The following RBFOX1 variants were observed in gnomAD, a reference collection of about 807,000 sequenced individuals.
RBFOX1 encodes the protein RNA binding fox-1 homolog 1.
Under a neutral mutation model 57.7 loss-of-function variants are expected in RBFOX1, and 8 were observed. The observed-to-expected ratio is 0.14, with a 90% CI of 0.08 to 0.25. The LOEUF (loss-of-function observed/expected upper bound fraction) is 0.25. RBFOX1 is among the 10% of genes least tolerant of loss of function. RBFOX1 has a pLI of 1.00. For synonymous variants in RBFOX1, 326 were observed against 222.4 expected, an observed-to-expected ratio of 1.47 and a Z score of -4.15; for missense variants, 611 against 548.5, an observed-to-expected ratio of 1.11 and a Z score of -1.14.
chr16:5,277,890 A>G (rs1457426726), intron 1 of RBFOX1, among the ~76,000 whole-genome samples: 3 of 152,094 alleles, frequency 2.0e-5, no homozygotes, highest in Admixed American at 2.0e-4. Context: ...TTCTTTATCC[A>G]TTCATCCGTT....
At chr16:5,673,807 C>G (rs1026316177) in intron 3 of RBFOX1, among the ~76,000 whole-genome samples, 4 of 152,202 alleles carry the variant, frequency 2.6e-5, no homozygotes, top group Admixed American at 6.5e-5. Flanking sequence ...CATTGTAGGC[C>G]TTGTGGCTCT....
At chr16:6,054,013 T>A (rs1313234442) in intron 1 of RBFOX1, among the ~76,000 whole-genome samples, 3 of 152,040 alleles carry the variant, frequency 2.0e-5, no homozygotes, top group Non-Finnish European at 4.4e-5. Flanking sequence ...GGTGCCACTG[T>A]ACTCCAGCCT....
chr16:7,689,567 G>GA (rs1440115130), intron 14 of RBFOX1, among the ~76,000 whole-genome samples: 2 of 152,138 alleles, frequency 1.3e-5, no homozygotes, highest in African/African-American at 4.8e-5. Context: ...GGTCAGAGTT[G>GA]AAACCCAGGA....
At chr16:7,335,609 A>T (rs1037580232) in intron 4 of RBFOX1, among the ~76,000 whole-genome samples, 155 of 59,248 alleles carry the variant, frequency 2.6e-3, no homozygotes, top group Non-Finnish European at 4.3e-3. Flanking sequence ...AAAAAAAAAA[A>T]CCAAGTGATT....
chr16:7,030,128 C>G (rs140927042), intron 3 of RBFOX1, among the ~76,000 whole-genome samples: 1 of 152,088 alleles, frequency 6.6e-6, no homozygotes, highest in South Asian at 2.1e-4. Context: ...GCCCATAACC[C>G]TGGTGGTTTT....
At chr16:6,283,005 T>C (rs1415643861) in intron 1 of RBFOX1, among the ~76,000 whole-genome samples, 1 of 152,110 alleles carries the variant, frequency 6.6e-6, no homozygotes, top group Non-Finnish European at 1.5e-5. Context: ...AGTGACTGAG[T>C]CTAGATGTGC....
At chr16:6,076,347 T>A (rs1410582978) in intron 1 of RBFOX1, among the ~76,000 whole-genome samples, 1 of 150,506 alleles carries the variant, frequency 6.6e-6, no homozygotes, top group Admixed American at 6.6e-5. Flanking sequence ...CACACACACA[T>A]ACACACACAC....
intron 3 of RBFOX1, among the ~76,000 whole-genome samples, chr16:6,772,768 T>C (rs746945514): frequency 6.6e-5 from 10 of 150,490 alleles, no homozygotes; most frequent in Non-Finnish European, 1.3e-4. Flanking sequence ...TGTGTGCATA[T>C]GTTGGGATGT....
chr16:7,471,604 AC>A (rs746834630), intron 4 of RBFOX1, among the ~76,000 whole-genome samples: 7 of 150,828 alleles, frequency 4.6e-5, no homozygotes, highest in Non-Finnish European at 8.9e-5. Context: ...AAATTCTGAG[AC>A]GGGGGTGGAG....
rs151207698 is a variant in RBFOX1, at chr16:7,151,731, C to G, written c.27+99633C>G. The stretch of plus-strand genomic sequence containing the variant: ...AATGTAGAATCAGTGGGAAGCCTGA[C>G]CTTGTTTTCCTGCAACTAGACAGTC... On this transcript the variant is annotated intron_variant, in intron 4 of 15. Transcript: ENST00000550418. Among the ~76,000 whole-genome samples, 1,202 of 152,080 alleles carry G rather than the reference C, an allele frequency of 7.9e-3. 20 individuals are homozygous for G. The highest frequency in any genetic ancestry group is 0.027 in the African/African-American group (1,136 of 41,448).
chr16:6,340,922 C>G (rs1181830286), intron 2 of RBFOX1, among the ~76,000 whole-genome samples: 1 of 151,936 alleles, frequency 6.6e-6, no homozygotes, highest in Non-Finnish European at 1.5e-5. Context: ...CTTCTGGGGA[C>G]CTGGGGGATC....
intron 3 of RBFOX1, among the ~76,000 whole-genome samples, chr16:5,821,792 T>G (rs1405880648): frequency 6.6e-6 from 1 of 152,168 alleles, no homozygotes; most frequent in Non-Finnish European, 1.5e-5. Flanking sequence ...GCTGCCCTCT[T>G]AGCATCCAGG....
chr16:7,292,178 T>C (rs1849923499), intron 4 of RBFOX1, among the ~76,000 whole-genome samples: 1 of 126,482 alleles, frequency 7.9e-6, no homozygotes, highest in South Asian at 2.3e-4. Flanking sequence ...ATATCATATA[T>C]CATATATGAT....
intron 3 of RBFOX1, among the ~76,000 whole-genome samples, chr16:7,027,207 C>G (rs780184663): frequency 1.3e-5 from 2 of 152,076 alleles, no homozygotes; most frequent in African/African-American, 4.8e-5. Flanking sequence ...ATTGAACTCT[C>G]CAGCGCACAG....
At chr16:6,830,808 C>T (rs190310239) in intron 3 of RBFOX1, among the ~76,000 whole-genome samples, 358 of 152,192 alleles carry the variant, frequency 2.4e-3, no homozygotes, top group African/African-American at 6.5e-3. Flanking sequence ...GAGAGTCATC[C>T]AGATAAAATC....
chr16:6,804,807 C>G (rs915984648), intron 3 of RBFOX1, among the ~76,000 whole-genome samples: 1 of 152,172 alleles, frequency 6.6e-6, no homozygotes, highest in Non-Finnish European at 1.5e-5. Flanking sequence ...GTGCATTTGC[C>G]ACTCTGACTT....
chr16:6,666,752 G>A (rs1253864396), intron 3 of RBFOX1, among the ~76,000 whole-genome samples: 2 of 152,048 alleles, frequency 1.3e-5, no homozygotes, highest in African/African-American at 4.8e-5. Context: ...ACTTACGAGA[G>A]TTATTGCAAC....
chr16:7,127,751 C>T (rs373516309), intron 4 of RBFOX1, among the ~76,000 whole-genome samples: 1 of 152,180 alleles, frequency 6.6e-6, no homozygotes, highest in Non-Finnish European at 1.5e-5. Flanking sequence ...CTTCTGCATT[C>T]TTCCTCATAG....
intron 4 of RBFOX1, among the ~76,000 whole-genome samples, chr16:7,195,059 T>A (rs1409893823): frequency 6.6e-6 from 1 of 152,188 alleles, no homozygotes; most frequent in Non-Finnish European, 1.5e-5. Context: ...AACAAAACTT[T>A]AAAAAATTAT....
Sources: gnomAD v4.1 joint callset for allele counts (sites outside exome capture counted in the v4.1 genomes callset) on GRCh38, gnomAD v4.1.1 for gene constraint, MANE v1.5 for transcripts, NCBI Gene and HGNC (gene_info 2026-07-23, HGNC 2026-07-21) for gene names.